The following P3H2 variants were observed in gnomAD, a reference collection of about 807,000 sequenced individuals.
P3H2 encodes the protein prolyl 3-hydroxylase 2.
A neutral mutation model predicts 87.0 loss-of-function variants in P3H2; 80 were observed. The observed-to-expected ratio is 0.92, with a 90% CI of 0.77 to 1.11. The LOEUF is 1.11. Ranked by LOEUF, P3H2 falls within the 50% of genes least tolerant of loss-of-function variation. The probability of loss-of-function intolerance (pLI) is 0.00; values close to 1 mark genes in which losing one functional copy is unlikely to be tolerated. For missense variants in P3H2, 1,001 were observed against 923.9 expected, an observed-to-expected ratio of 1.08 and a Z score of -1.08; for synonymous variants, 367 against 359.3, an observed-to-expected ratio of 1.02 and a Z score of -0.24.
At chr3:190,025,961 A>G (rs957158) in intron 1 of P3H2, among the ~76,000 whole-genome samples, 42,932 of 152,018 alleles carry the variant, frequency 0.28, 6,492 homozygotes, top group East Asian at 0.44. Context: ...TGTCTTTAGT[A>G]AGGGAAAGTA....
chr3:189,978,034 T>C (rs1185308512), intron 8 of P3H2, among the ~76,000 whole-genome samples: 1 of 152,200 alleles, frequency 6.6e-6, no homozygotes, highest in Admixed American at 6.5e-5. Flanking sequence ...CCTCGAATAT[T>C]TGGAAAAGTG....
intron 1 of P3H2, among the ~76,000 whole-genome samples, chr3:190,014,358 T>C (rs554008921): frequency 6.6e-6 from 1 of 152,336 alleles, no homozygotes; most frequent in South Asian, 2.1e-4. Context: ...GTGAGAAGCA[T>C]ATCATTTAGG....
At position 190,082,346 on chromosome 3, in the gene P3H2, C is replaced by A. The variant is rs113559990; in HGVS notation, c.480+37906G>T. 6.3e-3 allele frequency among the ~76,000 whole-genome samples: 961 copies of A among 152,270 alleles called. 13 individuals are homozygous for A. Among genetic ancestry groups the A allele is most frequent in the African/African-American group, 0.022 (905 of 41,540 alleles). Reference sequence around the variant, plus strand: ...ATGCAAGTCCTGAGTTTGCCTTCTACTTGTGTGAAAACATACAAGGTAGTC... The same window carrying A: ...ATGCAAGTCCTGAGTTTGCCTTCTAATTGTGTGAAAACATACAAGGTAGTC... On this transcript the variant is annotated intron_variant, in intron 1 of 14. Coordinates refer to ENST00000319332, the MANE Select transcript of P3H2 (RefSeq NM_018192.4).
intron 1 of P3H2, among the ~76,000 whole-genome samples, chr3:190,110,592 A>C (rs1363595259): frequency 6.6e-6 from 1 of 152,232 alleles, no homozygotes; most frequent in Non-Finnish European, 1.5e-5. Context: ...TTAAAATAGC[A>C]CATGCTTCAG....
intron 1 of P3H2, among the ~76,000 whole-genome samples, chr3:190,049,447 GA>G (rs1725906806): frequency 6.6e-6 from 1 of 151,844 alleles, no homozygotes; most frequent in Non-Finnish European, 1.5e-5. Context: ...AAAAAAAGAA[GA>G]AAAAAAAGTT....
chr3:190,079,707 TGCATTA>T (rs2108978469), intron 1 of P3H2, among the ~76,000 whole-genome samples: 1 of 152,312 alleles, frequency 6.6e-6, no homozygotes, highest in Admixed American at 6.5e-5. Context: ...TACACAGGAA[TGCATTA>T]GCCATTGAAC....
At chr3:189,975,578 C>G (rs1277361518) in intron 8 of P3H2, among the ~76,000 whole-genome samples, 1 of 152,162 alleles carries the variant, frequency 6.6e-6, no homozygotes, top group Non-Finnish European at 1.5e-5. Context: ...CGTGCTTGTC[C>G]ATAGCAACAG....
At chr3:190,038,954 C>A (rs1015253511) in intron 1 of P3H2, among the ~76,000 whole-genome samples, 14 of 152,156 alleles carry the variant, frequency 9.2e-5, no homozygotes, top group African/African-American at 3.4e-4. Context: ...CTTTGGGAAG[C>A]CAAGGCGGGC....
intron 1 of P3H2, among the ~76,000 whole-genome samples, chr3:190,009,263 G>C (rs139703304): frequency 4.8e-4 from 73 of 152,286 alleles, no homozygotes; most frequent in African/African-American, 1.7e-3. Context: ...TTATTTTGGG[G>C]AGAACATGAA....
Position 190,088,680 on chromosome 3 carries a change from C to T in P3H2, c.480+31572G>A, listed in dbSNP as rs1021249241. The stretch of plus-strand genomic sequence containing the variant: ...GTTTTTCTTCCCAGAATAATAGTTA[C>T]GGGCTTGTGAGAATGTCAAAGATTG... On this transcript the variant is annotated intron_variant, in intron 1 of 14. Coordinates refer to ENST00000319332, the MANE Select transcript of P3H2 (RefSeq NM_018192.4). Among the ~76,000 whole-genome samples the T allele has an allele frequency of 5.9e-5, 9 of 152,096 alleles. No homozygotes were observed. In the East Asian group the frequency reaches 7.7e-4, roughly 13 times the overall value.
At chr3:189,962,955 G>A (rs544573369) in intron 14 of P3H2, among the ~76,000 whole-genome samples, 1 of 152,224 alleles carries the variant, frequency 6.6e-6, no homozygotes, top group South Asian at 2.1e-4. Flanking sequence ...AGGTCATCCA[G>A]TTAAGCCTCT....
chr3:190,002,577 T>C lies in P3H2; in HGVS notation c.481-7135A>G, dbSNP rs147754505. 5.4e-4 allele frequency among the ~76,000 whole-genome samples: 82 copies of C among 152,188 alleles called. 1 individual carries two copies. The East Asian group carries it at 0.015, about 28-fold the overall frequency. On this transcript the variant is annotated intron_variant, in intron 1 of 14. Coordinates refer to ENST00000319332, the MANE Select transcript of P3H2 (RefSeq NM_018192.4). ...CAACACACCCGGCTAATTTTTGTAT[T>C]TTTAGTAGAGATGGAGTTTCACCGT...
At chr3:189,999,715 ATAAAC>A (rs1724152752) in intron 1 of P3H2, among the ~76,000 whole-genome samples, 1 of 152,228 alleles carries the variant, frequency 6.6e-6, no homozygotes, top group South Asian at 2.1e-4. Flanking sequence ...CATTAGAAAA[ATAAAC>A]TGTGAAATAA....
chr3:189,960,099 T>G (rs1241096406), intron 14 of P3H2, among the ~76,000 whole-genome samples: 1 of 152,188 alleles, frequency 6.6e-6, no homozygotes, highest in Non-Finnish European at 1.5e-5. Context: ...TTATTGTCTC[T>G]GGGCCTTTGC....
chr3:190,007,182 T>C (rs1244251508), intron 1 of P3H2, among the ~76,000 whole-genome samples: 1 of 152,154 alleles, frequency 6.6e-6, no homozygotes, highest in Non-Finnish European at 1.5e-5. Context: ...ATTAGCCTGG[T>C]TGTTGTAGGA....
intron 1 of P3H2, among the ~76,000 whole-genome samples, chr3:190,095,349 T>C (rs1727540963): frequency 9.7e-6 from 1 of 103,112 alleles, no homozygotes; most frequent in Admixed American, 1.1e-4. Flanking sequence ...TATATATATA[T>C]GGATTATCAC....
upstream of P3H2, chr3:190,120,928 G>A (rs755760044): frequency 1.5e-4 from 117 of 781,466 alleles, no homozygotes; most frequent in Non-Finnish European, 1.5e-4. Context: ...CGCTCTTAAA[G>A]GGACGCCCAC....
Position 190,021,746 on chromosome 3 carries a change from G to A in P3H2, c.481-26304C>T, listed in dbSNP as rs772833992. ...TTCACTTTTTCAATAAATCTTTAAT[G>A]AGTGCCTTTCATGTGCCAGGCATAA... On this transcript the variant is annotated intron_variant, in intron 1 of 14. Transcript: ENST00000319332. Among the ~76,000 whole-genome samples, 13 of 134,408 alleles carry A rather than the reference G, an allele frequency of 9.7e-5. 4 individuals carry two copies. Among genetic ancestry groups the A allele is most frequent in the Non-Finnish European group, 2.0e-4 (12 of 60,294 alleles). 88.2% of individuals were successfully genotyped at this position (134,408 alleles called of 152,430 possible). A position where few individuals can be genotyped will look rare whatever the true frequency, so the allele number is the denominator to read the frequency against.
In P3H2 at chr3:189,964,002, C is replaced by T. The variant is rs746551156; in HGVS notation, c.1990G>A (p.Ala664Thr). Residue 664 changes from alanine to threonine, a missense_variant, in exon 14 of 15, where the codon GCT becomes ACT. Physicochemically the swap from Ala to Thr is moderately conservative, Grantham distance 58 (BLOSUM62 0). Coordinates refer to ENST00000319332, the MANE Select transcript of P3H2 (RefSeq NM_018192.4). Reference sequence around the variant, plus strand: ...TCCAAGGTGAACCACAGAGCCACAGCACACCTCTTTCCCTTGGTGACTGCC... The same window carrying T: ...TCCAAGGTGAACCACAGAGCCACAGTACACCTCTTTCCCTTGGTGACTGCC... ...VKAVTKGKRC[A>T]VALWFTLDPL... is the part of the protein sequence containing the mutation. 8.1e-6 allele frequency: 13 copies of T among 1,614,162 alleles called. No homozygotes were observed. Among genetic ancestry groups the T allele is most frequent in the East Asian group, 4.5e-5 (2 of 44,868 alleles).
Sources: allele counts gnomAD v4.1 joint callset (sites outside exome capture counted in the v4.1 genomes callset), GRCh38; gene constraint gnomAD v4.1.1; transcripts MANE v1.5; gene names NCBI Gene and HGNC (gene_info 2026-07-23, HGNC 2026-07-21).